Variants in WDR75 observed in about 807,000 individuals in gnomAD.
WDR75 encodes WD repeat domain 75, also known as WD repeat-containing protein 75.
Under a neutral mutation model 106.1 loss-of-function variants are expected in WDR75, and 52 were observed. The observed-to-expected ratio is 0.49, with a 90% CI of 0.39 to 0.62. The LOEUF (loss-of-function observed/expected upper bound fraction) is 0.62. Among genes scored for constraint, WDR75 ranks in the 20% least tolerant of loss-of-function variants. The probability of loss-of-function intolerance (pLI) is 0.00; values close to 1 mark genes in which losing one functional copy is unlikely to be tolerated. For synonymous variants in WDR75, 333 were observed against 335.5 expected (o/e 0.99, Z 0.08); for missense variants, 905 against 970.3 (o/e 0.93, Z 0.89).
At chr2:189,448,607 A>G (rs1686549841) in intron 2 of WDR75, 99 bp downstream of exon 2, 2 of 1,472,640 alleles carry the variant, frequency 1.4e-6, no homozygotes, top group South Asian at 1.3e-5. Context: ...GGTTATAAGT[A>G]AAATATTTGC....
intron 1 of WDR75, among the ~76,000 whole-genome samples, chr2:189,447,659 A>C (rs1361922746): frequency 6.6e-6 from 1 of 152,216 alleles, no homozygotes; most frequent in East Asian, 1.9e-4. Context: ...GTCTACAAAC[A>C]GTCAAGAGAT....
At chr2:189,455,819 T>G (rs996664895) in intron 5 of WDR75, among the ~76,000 whole-genome samples, 31 of 151,244 alleles carry the variant, frequency 2.0e-4, no homozygotes, top group African/African-American at 7.6e-4. Flanking sequence ...AATTGAAGAA[T>G]CTCTTTCTAG....
intron 13 of WDR75, among the ~76,000 whole-genome samples, chr2:189,467,099 G>A (rs933420503): frequency 5.3e-5 from 8 of 151,668 alleles, no homozygotes; most frequent in South Asian, 2.1e-4. Context: ...AGACCCCCCC[G>A]CCCCAGTTGA....
Position 189,469,718 on chromosome 2 carries a change from A to G in WDR75, c.1819+279A>G, listed in dbSNP as rs555776080. ...TTTGACATATTTCCAACTGCCCCTG[A>G]GAAGCTTTAATTGGTCATCCTCTAT... is the stretch of plus-strand genomic sequence containing the variant. On this transcript the variant is annotated intron_variant, in intron 16 of 20. Coordinates refer to ENST00000314761, the MANE Select transcript of WDR75 (RefSeq NM_032168.3). 5.5e-4 allele frequency among the ~76,000 whole-genome samples: 83 copies of G among 152,286 alleles called. 1 individual carries two copies. The highest frequency in any genetic ancestry group is 3.4e-3 in the Middle Eastern group (1 of 294).
At chr2:189,467,250 G>A (rs983703727) in intron 13 of WDR75, among the ~76,000 whole-genome samples, 9 of 150,326 alleles carry the variant, frequency 6.0e-5, no homozygotes, top group African/African-American at 5.0e-5. Context: ...ATAATATACT[G>A]TAATAAAAAG....
At chr2:189,469,462 A>G (rs372902407) in intron 16 of WDR75, 23 bp downstream of exon 16, 2 of 1,565,164 alleles carry the variant, frequency 1.3e-6, no homozygotes, top group Non-Finnish European at 1.8e-6. Flanking sequence ...CACACTTTGT[A>G]GTAAGAGAAC....
intron 12 of WDR75, among the ~76,000 whole-genome samples, chr2:189,465,819 C>A (rs1049502782): frequency 1.3e-5 from 2 of 152,100 alleles, no homozygotes; most frequent in Non-Finnish European, 2.9e-5. Flanking sequence ...AAGTGGTTGT[C>A]CCTAGTCACT....
Position 189,467,519 on chromosome 2 carries a change from A to C in WDR75, c.1499A>C (p.Gln500Pro). Residue 500 changes from glutamine (Q) to proline (P), a missense_variant, in exon 14 of 21, where the codon CAA becomes CCA. Gln to Pro is a moderately conservative substitution (Grantham distance 76). Coordinates refer to ENST00000314761, the MANE Select transcript of WDR75 (RefSeq NM_032168.3). ...TTTGTTGGTAGTTATCACAAGTATC[A>C]AGCAACTAACTGTTGTTTCTCCGAA... is the stretch of plus-strand genomic sequence containing the variant. ...CDFVGSYHKY[Q>P]ATNCCFSEDG... 3 of 1,608,494 alleles carry C rather than the reference A, an allele frequency of 1.9e-6. No individual in the cohort carries two copies. The highest frequency in any genetic ancestry group is 2.5e-6 in the Non-Finnish European group (3 of 1,177,438).
Position 189,463,827 on chromosome 2 carries a change from T to C in WDR75, c.998-19T>C, listed in dbSNP as rs545161217. 1.9e-6 allele frequency: 3 copies of C among 1,613,618 alleles called. No homozygotes were observed. Among genetic ancestry groups the C allele is most frequent in the African/African-American group, 1.3e-5 (1 of 75,030 alleles). ...CATATTTCTCTTATTTCACCTGTTA[T>C]TTGTCACCACTTCTGCAGATAGGAG... On this transcript the variant is annotated intron_variant, in intron 10 of 20. Transcript: ENST00000314761.
chr2:189,448,635 G>T, intron 2 of WDR75, 127 bp downstream of exon 2: 1 of 1,278,822 alleles, frequency 7.8e-7, no homozygotes, highest in African/African-American at 1.5e-5. Flanking sequence ...CAGTTGTAGG[G>T]TATTTTCCAC....
At chr2:189,442,461 T>TTC (rs1235665948) in intron 1 of WDR75, among the ~76,000 whole-genome samples, 1 of 140,172 alleles carries the variant, frequency 7.1e-6, no homozygotes, top group Non-Finnish European at 1.6e-5. Context: ...TTTTTTTTTT[T>TTC]TTTTTTTGAT....
chr2:189,464,080 A>AT, intron 11 of WDR75, 119 bp downstream of exon 11: 6 of 828,932 alleles, frequency 7.2e-6, no homozygotes, highest in Non-Finnish European at 1.1e-5. Context: ...ACTTGAACAT[A>AT]GTATTATCCG....
At chr2:189,443,266 G>T (rs1229203127) in intron 1 of WDR75, among the ~76,000 whole-genome samples, 1 of 152,170 alleles carries the variant, frequency 6.6e-6, no homozygotes, top group Non-Finnish European at 1.5e-5. Flanking sequence ...GCTAGGCCTA[G>T]ATGATATTTT....
chr2:189,442,442 CTTTTTTTTTTTTTTT>C (rs1188214718), intron 1 of WDR75, among the ~76,000 whole-genome samples: 1 of 73,900 alleles, frequency 1.4e-5, no homozygotes, highest in African/African-American at 5.5e-5. Flanking sequence ...CCACAATATT[CTTTTTTTTTTTTTTT>C]TTTTTTTTTT....
At chr2:189,447,394 G>A (rs1402609805) in intron 1 of WDR75, among the ~76,000 whole-genome samples, 1 of 152,214 alleles carries the variant, frequency 6.6e-6, no homozygotes, top group Non-Finnish European at 1.5e-5. Flanking sequence ...AACAAAAATG[G>A]AATAAAGTCT....
At position 189,455,543 on chromosome 2, in the gene WDR75, T is replaced by C. The variant is rs1029417384; in HGVS notation, c.498+99T>C. On this transcript the variant is annotated intron_variant, in intron 5 of 20. Transcript: ENST00000314761. ...ATGTTACAGTGATTTTATATTCCCT[T>C]GAATTACTATATTTGTATTAGTAAC... is the stretch of plus-strand genomic sequence containing the variant. 1.8e-5 allele frequency: 26 copies of C among 1,416,176 alleles called. No individual in the cohort carries two copies. The African/African-American group carries it at 3.7e-4, about 20-fold the overall frequency. The allele number at this position is 1,416,176 out of a possible 1,614,324, so 87.7% of individuals were successfully genotyped here. A position where few individuals can be genotyped will look rare whatever the true frequency, so the allele number is the denominator to read the frequency against.
At chr2:189,466,626 G>T in intron 13 of WDR75, 44 bp downstream of exon 13, 1 of 1,554,284 alleles carries the variant, frequency 6.4e-7, no homozygotes, top group Non-Finnish European at 8.7e-7. Context: ...CACAATTTTA[G>T]GAATTAATTT....
At chr2:189,471,979 A>T (rs10166420) in intron 18 of WDR75, among the ~76,000 whole-genome samples, 122,163 of 152,138 alleles carry the variant, frequency 0.8, 50,524 homozygotes, top group Non-Finnish European at 0.91. Flanking sequence ...TTACTAGAAG[A>T]CCAATACCAT....
Position 189,452,003 on chromosome 2 carries a change from A to G in WDR75, c.373+108A>G, listed in dbSNP as rs187734783. 14 of 794,192 alleles carry G rather than the reference A, an allele frequency of 1.8e-5. No homozygotes were observed. In the Admixed American group the frequency reaches 3.4e-4, roughly 19 times the overall value. 49.2% of individuals were successfully genotyped at this position (794,192 alleles called of 1,614,324 possible). ...TAATCTGAAGCCAACAGTTTTTAGAATGGGCATTTAAATTGCTTTTGTCAT... is the reference window on the plus strand; with the variant it reads ...TAATCTGAAGCCAACAGTTTTTAGAGTGGGCATTTAAATTGCTTTTGTCAT... On this transcript the variant is annotated intron_variant, in intron 4 of 20. Transcript: ENST00000314761.
Sources: allele counts gnomAD v4.1 joint callset (sites outside exome capture counted in the v4.1 genomes callset), GRCh38; gene constraint gnomAD v4.1.1; transcripts MANE v1.5; gene names NCBI Gene and HGNC (gene_info 2026-07-23, HGNC 2026-07-21).